The following CC2D1B variants were observed in gnomAD, a reference collection of about 807,000 sequenced individuals.
The protein encoded by CC2D1B is coiled-coil and C2 domain containing 1B, also known as coiled-coil and C2 domain-containing protein 1B.
Under a neutral mutation model 110.8 loss-of-function variants are expected in CC2D1B, and 92 were observed. That is an observed-to-expected ratio of 0.83 (90% CI 0.70 to 0.99). The LOEUF is 0.99. Ranked by LOEUF, CC2D1B falls within the 50% of genes least tolerant of loss-of-function variation. The pLI, the probability that CC2D1B is intolerant of heterozygous loss-of-function variation, is 0.00. For missense variants in CC2D1B, 1,136 were observed against 1,089.0 expected, an observed-to-expected ratio of 1.04 and a Z score of -0.61; for synonymous variants, 406 against 429.2, an observed-to-expected ratio of 0.95 and a Z score of 0.67.
chr1:52,365,456 C>CT (rs1339391187), intron 1 of CC2D1B, among the ~76,000 whole-genome samples: 1 of 152,176 alleles, frequency 6.6e-6, no homozygotes, highest in African/African-American at 2.4e-5. Context: ...GACGAGGGAA[C>CT]ACTTGACGGC....
intron 16 of CC2D1B, 199 bp from the exon 17 acceptor site, chr1:52,356,641 G>A (rs1316304664): frequency 1.6e-6 from 1 of 629,482 alleles, no homozygotes; most frequent in East Asian, 2.8e-5. Context: ...CTTCTGAGGA[G>A]AGCCATTCCC....
In CC2D1B at chr1:52,357,110, G is replaced by A. The variant is rs747231746; in HGVS notation, c.1769C>T (p.Thr590Met). ...GAGGATGAAGTCACCCTCCTCATCC[G>A]TCAAGGGCGAAGGCACCTACCCAGG... is the stretch of plus-strand genomic sequence containing the variant. ...VDLSKVPSPL[T>M]DEEGDFILIH... The change falls in exon 16 of 25, where the codon ACG becomes ATG. Residue 590 changes from threonine (T) to methionine (M), a missense_variant. Physicochemically the swap from Thr to Met is moderately conservative, Grantham distance 81. Transcript: ENST00000284376. 19 of 1,613,680 alleles carry A rather than the reference G, an allele frequency of 1.2e-5. No homozygotes were observed. The highest frequency in any genetic ancestry group is 5.0e-5 in the Admixed American group (3 of 59,934).
In CC2D1B at chr1:52,360,963, C is replaced by T; in HGVS notation, c.477+11G>A. The T allele has an allele frequency of 6.2e-7, 1 of 1,613,824 alleles. No individual in the cohort carries two copies. The highest frequency in any genetic ancestry group is 8.5e-7 in the Non-Finnish European group (1 of 1,179,970). ...GCATCAGAGGCACAGGGGCCCTCCT[C>T]CAGAACCCACCTGAGCTGCTGGGGC... On this transcript the variant is annotated intron_variant, in intron 5 of 24. Transcript: ENST00000284376.
intron 23 of CC2D1B, 68 bp from the exon 24 acceptor site, chr1:52,353,715 A>C (rs1232047375): frequency 1.7e-6 from 2 of 1,196,468 alleles, no homozygotes; most frequent in East Asian, 2.6e-5. Flanking sequence ...AGGTCCCTAC[A>C]TTCCCAGGAA....
intron 17 of CC2D1B, 22 bp downstream of exon 17, chr1:52,356,362 C>T: frequency 6.2e-7 from 1 of 1,614,150 alleles, no homozygotes; most frequent in African/African-American, 1.3e-5. Context: ...CCTATGAGCC[C>T]AGCCCCAGCC....
In CC2D1B at chr1:52,359,154, G is replaced by T; in HGVS notation, c.1130C>A (p.Ala377Asp). The change falls in exon 11 of 25, where the codon GCC becomes GAC. Residue 377 changes from alanine to aspartate, a missense_variant. Physicochemically the swap from Ala to Asp is moderately radical, Grantham distance 126. Transcript: ENST00000284376. ...CAGCACTGTCTGTGACTCTGTAGGG[G>T]CCACTTGAAGGAAAGAAGGAAGAAG... ...MAPDVPATPV[A>D]PTESQTVLDA... 6.2e-7 allele frequency: 1 copy of T among 1,609,752 alleles called. No individual in the cohort carries two copies. Among genetic ancestry groups the T allele is most frequent in the East Asian group, 2.2e-5 (1 of 44,766 alleles).
intron 5 of CC2D1B, 50 bp from the exon 6 acceptor site, chr1:52,360,599 T>C: frequency 7.6e-6 from 12 of 1,587,038 alleles, no homozygotes; most frequent in Non-Finnish European, 9.4e-6. Flanking sequence ...CTGCTAGGCC[T>C]ACCATTCTCC....
chr1:52,356,857 G>GA, intron 16 of CC2D1B, 144 bp downstream of exon 16: 1 of 931,600 alleles, frequency 1.1e-6, no homozygotes, highest in Non-Finnish European at 1.6e-6. Flanking sequence ...GTTCAGAGAA[G>GA]AAAGTGCCTT....
intron 23 of CC2D1B, chr1:52,354,254 A>C: frequency 2.3e-6 from 1 of 437,644 alleles, no homozygotes; most frequent in South Asian, 1.8e-5. Flanking sequence ...GTTATCAGTA[A>C]GGAGCTGGTC....
At chr1:52,353,829 A>C (rs11804966) in intron 23 of CC2D1B, 182 bp from the exon 24 acceptor site, 7,041 of 547,354 alleles carry the variant, frequency 0.013, 319 homozygotes, top group African/African-American at 0.11. Context: ...TGGTGGTTTT[A>C]GGTGAGTCTT....
intron 24 of CC2D1B, 99 bp from the exon 25 acceptor site, chr1:52,353,322 G>A (rs930890527): frequency 6.8e-7 from 1 of 1,473,792 alleles, no homozygotes; most frequent in Non-Finnish European, 9.0e-7. Flanking sequence ...TAGATAGATA[G>A]TTAAACCTTG....
rs1418947953 is a variant in CC2D1B, at chr1:52,352,362, T to C, written c.*863A>G. ...CGAAGAGGAAAGGCTTTCCCTGTCC[T>C]CTCTCAAGAGGAAGCCACAGCAGCC... is the stretch of plus-strand genomic sequence containing the variant. On this transcript the variant is annotated 3_prime_UTR_variant, in exon 25 of 25. Coordinates refer to ENST00000284376, the MANE Select transcript of CC2D1B (RefSeq NM_001330585.2). The C allele has an allele frequency of 5.2e-5, 8 of 152,714 alleles. No homozygotes were observed. Among genetic ancestry groups the C allele is most frequent in the Admixed American group, 5.2e-4 (8 of 15,290 alleles). The allele number at this position is 152,714 out of a possible 1,614,324, so 9.5% of individuals were successfully genotyped here. A position where few individuals can be genotyped will look rare whatever the true frequency, so the allele number is the denominator to read the frequency against.
At position 52,363,322 on chromosome 1, in the gene CC2D1B, G is replaced by A. The variant is rs551873919; in HGVS notation, c.70-576C>T. ...AGGCAGGAGAATGGCGTGAACCCGG[G>A]AGATGGAGCTTGCAGTGAGCCAAGA... On this transcript the variant is annotated intron_variant, in intron 2 of 24. Transcript: ENST00000284376. Among the ~76,000 whole-genome samples the A allele has an allele frequency of 2.0e-5, 3 of 151,240 alleles. No individual in the cohort carries two copies. The South Asian group carries it at 6.3e-4, about 32-fold the overall frequency.
At position 52,350,781 on chromosome 1, in the gene CC2D1B, T is replaced by A. The variant is rs982855897; in HGVS notation, c.*2444A>T. 1.3e-5 allele frequency: 2 copies of A among 152,300 alleles called. No individual in the cohort carries two copies. The highest frequency in any genetic ancestry group is 1.5e-5 in the Non-Finnish European group (1 of 68,100). The allele number at this position is 152,300 out of a possible 1,614,324, so 9.4% of individuals were successfully genotyped here. On this transcript the variant is annotated 3_prime_UTR_variant, in exon 25 of 25. Coordinates refer to ENST00000284376, the MANE Select transcript of CC2D1B (RefSeq NM_001330585.2). ...TTTGTTTTGAGACAGAGTCTTGCTC[T>A]GTCGCCCAGGCTGGAGTGCAGTGGT...
chr1:52,356,858 A>G (rs2147891240), intron 16 of CC2D1B, 143 bp downstream of exon 16: 1 of 939,128 alleles, frequency 1.1e-6, no homozygotes, highest in Non-Finnish European at 1.6e-6. Flanking sequence ...TTCAGAGAAG[A>G]AAGTGCCTTG....
At chr1:52,365,533 G>C (rs1646862745) in intron 1 of CC2D1B, among the ~76,000 whole-genome samples, 1 of 152,234 alleles carries the variant, frequency 6.6e-6, no homozygotes, top group East Asian at 1.9e-4. Flanking sequence ...GGGCATAAGC[G>C]GTGAGGCCTG....
At chr1:52,356,847 G>GGCACTTTC in intron 16 of CC2D1B, 154 bp downstream of exon 16, 1 of 832,904 alleles carries the variant, frequency 1.2e-6, no homozygotes, top group Non-Finnish European at 1.8e-6. Context: ...GGAAAATGTA[G>GGCACTTTC]TTCAGAGAAG....
chr1:52,354,912 A>ATGTT lies in CC2D1B; in HGVS notation c.2263_2266dup (p.Ile756LysfsTer21). 1 of 1,614,062 alleles carries ATGTT rather than the reference A, an allele frequency of 6.2e-7. No individual in the cohort carries two copies. The highest frequency in any genetic ancestry group is 8.5e-7 in the Non-Finnish European group (1 of 1,180,002). Reference sequence around the variant, plus strand: ...CTTGAAGCCCCGGTGGTTTCGGTTGATGTTTAGTTTGAAGAGTTGATCAAA... The same window carrying ATGTT: ...CTTGAAGCCCCGGTGGTTTCGGTTGATGTTTGTTTAGTTTGAAGAGTTGATCAAA... On this transcript the variant is annotated frameshift_variant, in exon 22 of 25. Transcript: ENST00000284376. LOFTEE classifies it high-confidence loss of function.
In CC2D1B at chr1:52,355,603, C is replaced by G; in HGVS notation, c.2187+5G>C. ...CAGAGGATCCTACTTCTACCTGAAC[C>G]TCACCGAGTTAGGGTAGTGAAACTC... On this transcript the variant is annotated splice_donor_5th_base_variant and intron_variant, in intron 20 of 24. Transcript: ENST00000284376. 1.4e-5 allele frequency: 22 copies of G among 1,614,156 alleles called. No homozygotes were observed. The highest frequency in any genetic ancestry group is 1.8e-5 in the Non-Finnish European group (21 of 1,179,988).
Sources: gnomAD v4.1 joint callset for allele counts (sites outside exome capture counted in the v4.1 genomes callset) on GRCh38, gnomAD v4.1.1 for gene constraint, MANE v1.5 for transcripts, NCBI Gene and HGNC (gene_info 2026-07-23, HGNC 2026-07-21) for gene names.